Variants in SCEL observed in about 807,000 individuals in gnomAD.
The protein encoded by SCEL is sciellin.
In SCEL, 113 loss-of-function variants were observed where a neutral mutation model predicts 117.6. That is an observed-to-expected ratio of 0.96 (90% CI 0.83 to 1.12). The LOEUF (loss-of-function observed/expected upper bound fraction) is 1.12, where lower values mean the gene tolerates loss of function less well. Among genes scored for constraint, SCEL ranks in the 50% most tolerant of loss-of-function variants. The pLI is 0.00. For synonymous variants in SCEL, 270 were observed against 256.2 expected, an observed-to-expected ratio of 1.05 and a Z score of -0.51; for missense variants, 785 against 810.8, an observed-to-expected ratio of 0.97 and a Z score of 0.39.
intron 27 of SCEL, among the ~76,000 whole-genome samples, chr13:77,620,725 C>G (rs530605853): frequency 6.6e-6 from 1 of 151,954 alleles, no homozygotes; most frequent in South Asian, 2.1e-4. Context: ...CATTTCTGCT[C>G]CTGAATGAAT....
intron 11 of SCEL, among the ~76,000 whole-genome samples, chr13:77,592,675 T>C (rs1240358831): frequency 1.3e-5 from 2 of 151,506 alleles, no homozygotes; most frequent in African/African-American, 2.4e-5. Flanking sequence ...CCTCCTGCCT[T>C]AGCCTCCTGA....
At chr13:77,643,063 C>T (rs371629725) in intron 32 of SCEL, among the ~76,000 whole-genome samples, 2 of 151,876 alleles carry the variant, frequency 1.3e-5, no homozygotes, top group Non-Finnish European at 2.9e-5. Flanking sequence ...GAAAATTTTC[C>T]GTTTTTTTCC....
chr13:77,620,041 G>A (rs1167066763), intron 27 of SCEL, among the ~76,000 whole-genome samples: 7 of 152,088 alleles, frequency 4.6e-5, no homozygotes, highest in East Asian at 1.9e-4. Flanking sequence ...GACATTTTCC[G>A]TATACAGATA....
chr13:77,572,116 C>T lies in SCEL; in HGVS notation c.480-8C>T, dbSNP rs374969933. 6.2e-7 allele frequency: 1 copy of T among 1,611,374 alleles called. No homozygotes were observed. Reference sequence around the variant, plus strand: ...CACAATGTTTATTACCGTGTCATTTCTTAACAGGCAGTCCTGGTTTCCACC... The same window carrying T: ...CACAATGTTTATTACCGTGTCATTTTTTAACAGGCAGTCCTGGTTTCCACC... On this transcript the variant is annotated splice_region_variant and splice_polypyrimidine_tract_variant and intron_variant, in intron 8 of 32. Coordinates refer to ENST00000349847, the MANE Select transcript of SCEL (RefSeq NM_144777.3).
intron 28 of SCEL, among the ~76,000 whole-genome samples, chr13:77,628,463 C>T (rs1260707731): frequency 1.3e-5 from 2 of 152,012 alleles, no homozygotes; most frequent in African/African-American, 4.8e-5. Flanking sequence ...AGCCACAAAA[C>T]AGGACCTAAT....
chr13:77,555,154 C>T (rs1421007980), intron 1 of SCEL, among the ~76,000 whole-genome samples: 1 of 151,780 alleles, frequency 6.6e-6, no homozygotes, highest in Admixed American at 6.6e-5. Flanking sequence ...AAGAAGGGAC[C>T]CTGAAGGCAA....
chr13:77,602,204 CT>C, intron 16 of SCEL, 80 bp downstream of exon 16: 5 of 1,202,246 alleles, frequency 4.2e-6, no homozygotes, highest in Non-Finnish European at 1.2e-6. Context: ...GAGTGTTATG[CT>C]TTCCTTTGTG....
chr13:77,590,377 A>G (rs1212770001), intron 10 of SCEL, among the ~76,000 whole-genome samples: 1 of 152,120 alleles, frequency 6.6e-6, no homozygotes, highest in African/African-American at 2.4e-5. Context: ...TCAGATTTAT[A>G]ACTTTTTGTT....
At chr13:77,595,711 T>C (rs1052420067) in intron 12 of SCEL, among the ~76,000 whole-genome samples, 1 of 152,222 alleles carries the variant, frequency 6.6e-6, no homozygotes, top group African/African-American at 2.4e-5. Context: ...AATGGGTTAC[T>C]GTGTCAAGGG....
chr13:77,601,281 A>G (rs1425057520), intron 15 of SCEL, among the ~76,000 whole-genome samples: 2 of 152,174 alleles, frequency 1.3e-5, no homozygotes, highest in Non-Finnish European at 2.9e-5. Flanking sequence ...AAGATTTATA[A>G]TCTGGGATAA....
chr13:77,604,745 G>A (rs1046611497), intron 19 of SCEL, among the ~76,000 whole-genome samples: 2 of 152,172 alleles, frequency 1.3e-5, no homozygotes, highest in African/African-American at 4.8e-5. Flanking sequence ...TATAAGTAGT[G>A]TGTTTATATA....
In SCEL at chr13:77,538,925, A is replaced by G. The variant is rs140060087; in HGVS notation, c.-20+3101A>G. Among the ~76,000 whole-genome samples the G allele has an allele frequency of 4.5e-4, 69 of 152,352 alleles. No individual in the cohort carries two copies. The East Asian group carries it at 0.013, about 29-fold the overall frequency. ...CTGTGTCAATGTTCTAGAAAATGCAATAAAATTATGAAATAAGCATGGCAC... is the reference window on the plus strand; with the variant it reads ...CTGTGTCAATGTTCTAGAAAATGCAGTAAAATTATGAAATAAGCATGGCAC... On this transcript the variant is annotated intron_variant, in intron 1 of 32. Transcript: ENST00000349847.
intron 15 of SCEL, 128 bp downstream of exon 15, chr13:77,599,876 G>A (rs2154401303): frequency 1.5e-6 from 1 of 686,626 alleles, no homozygotes; most frequent in Admixed American, 2.3e-5. Flanking sequence ...GGGGTCCAGG[G>A]ATAGTGTGTA....
At chr13:77,553,196 C>T (rs1401399029) in intron 1 of SCEL, among the ~76,000 whole-genome samples, 4 of 152,190 alleles carry the variant, frequency 2.6e-5, no homozygotes, top group African/African-American at 7.2e-5. Context: ...CTACTCTCTC[C>T]CAGATGCTGG....
intron 28 of SCEL, among the ~76,000 whole-genome samples, chr13:77,629,018 G>A (rs762572435): frequency 1.3e-5 from 2 of 152,110 alleles, no homozygotes; most frequent in African/African-American, 2.4e-5. Flanking sequence ...TTATTTGGAA[G>A]TGATTGGGGT....
intron 23 of SCEL, among the ~76,000 whole-genome samples, chr13:77,613,451 G>C (rs1192419716): frequency 6.6e-6 from 1 of 152,198 alleles, no homozygotes; most frequent in Non-Finnish European, 1.5e-5. Context: ...AAGCATGGCA[G>C]AGAAACCCCA....
intron 27 of SCEL, among the ~76,000 whole-genome samples, chr13:77,619,532 C>G (rs989553662): frequency 1.3e-5 from 2 of 152,270 alleles, no homozygotes; most frequent in Non-Finnish European, 2.9e-5. Flanking sequence ...CCCTATGCTC[C>G]TCTTCTGCTC....
At chr13:77,567,633 G>T in intron 5 of SCEL, 47 bp from the exon 6 acceptor site, 8 of 1,359,146 alleles carry the variant, frequency 5.9e-6, no homozygotes, top group South Asian at 1.2e-5. Flanking sequence ...AAAGGAGTTT[G>T]ATAATTTAAA....
intron 28 of SCEL, among the ~76,000 whole-genome samples, chr13:77,629,777 G>A (rs780071039): frequency 6.6e-6 from 1 of 152,170 alleles, no homozygotes; most frequent in Non-Finnish European, 1.5e-5. Context: ...AGTACAGAGA[G>A]CCATGTAGAA....
Sources: allele counts gnomAD v4.1 joint callset (sites outside exome capture counted in the v4.1 genomes callset), GRCh38; gene constraint gnomAD v4.1.1; transcripts MANE v1.5; gene names NCBI Gene and HGNC (gene_info 2026-07-23, HGNC 2026-07-21).